Variants in GPR158 observed in about 807,000 individuals in gnomAD.
The protein encoded by GPR158 is G protein-coupled receptor 158.
Under a neutral mutation model 78.2 loss-of-function variants are expected in GPR158, and 30 were observed. That is an observed-to-expected ratio of 0.38 (90% CI 0.29 to 0.52). GPR158 has a LOEUF of 0.52. Ranked by LOEUF, GPR158 falls within the 20% of genes least tolerant of loss-of-function variation. The pLI, the probability that GPR158 is intolerant of heterozygous loss-of-function variation, is 0.83. For synonymous variants in GPR158, 581 were observed against 591.1 expected, an observed-to-expected ratio of 0.98 and a Z score of 0.25; for missense variants, 1,463 against 1,523.5, an observed-to-expected ratio of 0.96 and a Z score of 0.66.
At chr10:25,466,790 A>G in intron 5 of GPR158, 71 bp downstream of exon 5, 1 of 633,928 alleles carries the variant, frequency 1.6e-6, no homozygotes, top group Non-Finnish European at 2.6e-6. Flanking sequence ...TACTGTTTAC[A>G]CACACACACA....
At chr10:25,396,688 G>A (rs901111983) in intron 3 of GPR158, among the ~76,000 whole-genome samples, 1 of 152,160 alleles carries the variant, frequency 6.6e-6, no homozygotes, top group Non-Finnish European at 1.5e-5. Context: ...AAGTCTACTT[G>A]CTGTTATTTG....
intron 2 of GPR158, among the ~76,000 whole-genome samples, chr10:25,387,513 CA>C (rs1163403126): frequency 3.2e-5 from 3 of 95,064 alleles, no homozygotes; most frequent in African/African-American, 1.3e-4. Context: ...CCTTTCTCTT[CA>C]AATTTTTTTT....
intron 4 of GPR158, among the ~76,000 whole-genome samples, chr10:25,434,243 A>G (rs1028163649): frequency 6.6e-6 from 1 of 152,222 alleles, no homozygotes; most frequent in Non-Finnish European, 1.5e-5. Flanking sequence ...ATTATGAGTT[A>G]TGAAGAATGA....
intron 4 of GPR158, among the ~76,000 whole-genome samples, chr10:25,451,691 C>T (rs1369579792): frequency 1.3e-5 from 2 of 152,084 alleles, no homozygotes; most frequent in Non-Finnish European, 2.9e-5. Context: ...CTCTCTAATC[C>T]TCAGGCTTTT....
intron 2 of GPR158, among the ~76,000 whole-genome samples, chr10:25,319,590 T>C (rs963900325): frequency 2.0e-4 from 31 of 152,318 alleles, no homozygotes; most frequent in African/African-American, 7.5e-4. Flanking sequence ...CTTTTCTAGT[T>C]AATGAGGAAC....
At chr10:25,303,437 G>C (rs989713712) in intron 2 of GPR158, among the ~76,000 whole-genome samples, 1 of 152,142 alleles carries the variant, frequency 6.6e-6, no homozygotes, top group Non-Finnish European at 1.5e-5. Context: ...CTGTAATTTA[G>C]AGGAAGATGA....
chr10:25,225,306 A>G (rs1271917871), intron 2 of GPR158, among the ~76,000 whole-genome samples: 3 of 151,758 alleles, frequency 2.0e-5, no homozygotes, highest in African/African-American at 4.8e-5. Flanking sequence ...ACAGCATCTC[A>G]TGAAGAATCA....
At chr10:25,382,996 C>T (rs569724047) in intron 2 of GPR158, among the ~76,000 whole-genome samples, 6 of 151,966 alleles carry the variant, frequency 3.9e-5, no homozygotes, top group African/African-American at 1.4e-4. Context: ...CCACCACACC[C>T]GGCTTATTTT....
chr10:25,253,055 CG>C (rs1407207412), intron 2 of GPR158, among the ~76,000 whole-genome samples: 2 of 133,766 alleles, frequency 1.5e-5, no homozygotes, highest in African/African-American at 5.6e-5. Context: ...GCGCAATATT[CG>C]GGTGGGAGTG....
intron 2 of GPR158, among the ~76,000 whole-genome samples, chr10:25,338,434 C>T (rs1008146418): frequency 2.3e-4 from 33 of 142,382 alleles, no homozygotes; most frequent in African/African-American, 6.4e-4. Flanking sequence ...ATTATATATA[C>T]GTATTATATA....
At chr10:25,576,871 G>T (rs964764379) in intron 7 of GPR158, among the ~76,000 whole-genome samples, 3 of 151,228 alleles carry the variant, frequency 2.0e-5, no homozygotes, top group Non-Finnish European at 4.4e-5. Flanking sequence ...TTAAATTTTT[G>T]ATGGTGTTTT....
chr10:25,511,857 A>G (rs548452702), intron 5 of GPR158, among the ~76,000 whole-genome samples: 1 of 152,034 alleles, frequency 6.6e-6, no homozygotes, highest in East Asian at 1.9e-4. Context: ...ATTTGGCTTT[A>G]TTTCTGGGTT....
intron 2 of GPR158, among the ~76,000 whole-genome samples, chr10:25,381,832 C>A (rs1399633876): frequency 6.6e-6 from 1 of 152,116 alleles, no homozygotes; most frequent in Admixed American, 6.5e-5. Context: ...AAGGACTACT[C>A]AAAAACAAAC....
At chr10:25,257,898 A>G (rs1853912702) in intron 2 of GPR158, among the ~76,000 whole-genome samples, 1 of 152,156 alleles carries the variant, frequency 6.6e-6, no homozygotes, top group Admixed American at 6.5e-5. Context: ...AGGAAAAATG[A>G]AGAGATGAAA....
At chr10:25,321,565 G>C (rs1713423718) in intron 2 of GPR158, among the ~76,000 whole-genome samples, 1 of 152,168 alleles carries the variant, frequency 6.6e-6, no homozygotes, top group Admixed American at 6.5e-5. Flanking sequence ...ATTTAGAGGA[G>C]ATAGGGTTGA....
chr10:25,333,590 G>T (rs1367363617), intron 2 of GPR158, among the ~76,000 whole-genome samples: 2 of 152,096 alleles, frequency 1.3e-5, no homozygotes, highest in Admixed American at 6.6e-5. Flanking sequence ...TAACTAAGTA[G>T]CTGGATATGT....
At chr10:25,373,293 G>A (rs992273220) in intron 2 of GPR158, among the ~76,000 whole-genome samples, 2 of 151,890 alleles carry the variant, frequency 1.3e-5, no homozygotes, top group Non-Finnish European at 2.9e-5. Context: ...CTGGAAGGTG[G>A]AGAGCGGGAA....
chr10:25,459,009 A>G (rs1588873954), intron 4 of GPR158, among the ~76,000 whole-genome samples: 1 of 152,318 alleles, frequency 6.6e-6, no homozygotes, highest in South Asian at 2.1e-4. Flanking sequence ...ACATAAGCTA[A>G]CTACATGCAG....
chr10:25,253,749 T>A (rs572641181), intron 2 of GPR158, among the ~76,000 whole-genome samples: 17 of 152,296 alleles, frequency 1.1e-4, no homozygotes, highest in Admixed American at 7.8e-4. Context: ...TAATGATGTA[T>A]AAAATGGTTC....
Sources: allele counts gnomAD v4.1 joint callset (sites outside exome capture counted in the v4.1 genomes callset), GRCh38; gene constraint gnomAD v4.1.1; transcripts MANE v1.5; gene names NCBI Gene and HGNC (gene_info 2026-07-23, HGNC 2026-07-21).